ARAP3: variants seen among roughly 807,000 people sequenced by gnomAD.
ARAP3 encodes the protein arf-GAP with Rho-GAP domain, ANK repeat and PH domain-containing protein 3.
ARAP3 carries 82 observed loss-of-function variants against 169.2 expected under a neutral mutation model. The ratio of observed to expected loss-of-function variants is 0.48; its 90% CI spans 0.41 to 0.58. The LOEUF (loss-of-function observed/expected upper bound fraction) is 0.58. ARAP3 is among the 20% of genes least tolerant of loss of function. The probability of loss-of-function intolerance (pLI) is 0.00; values close to 1 mark genes in which losing one functional copy is unlikely to be tolerated. For synonymous variants in ARAP3, 791 were observed against 800.3 expected (o/e 0.99, Z 0.20); for missense variants, 1,764 against 2,018.0 (o/e 0.87, Z 2.41).
chr5:141,653,823 G>C lies in ARAP3; in HGVS notation c.*127C>G. ...CAGCCACTGAAGCCTTTAGTCCAGT[G>C]CTCCTTCCACAGCACCACACTGGAT... On this transcript the variant is annotated 3_prime_UTR_variant, in exon 33 of 33. Coordinates refer to ENST00000239440, the MANE Select transcript of ARAP3 (RefSeq NM_022481.6). 3.7e-6 allele frequency: 5 copies of C among 1,363,618 alleles called. No homozygotes were observed. In the South Asian group the frequency reaches 8.1e-5, roughly 22 times the overall value. The allele number at this position is 1,363,618 out of a possible 1,614,324, so 84.5% of individuals were successfully genotyped here. A position where few individuals can be genotyped will look rare whatever the true frequency, so the allele number is the denominator to read the frequency against.
At chr5:141,656,123 G>A (rs551472008) in intron 28 of ARAP3, 24 bp from the exon 29 acceptor site, 52 of 1,614,156 alleles carry the variant, frequency 3.2e-5, no homozygotes, top group Middle Eastern at 1.6e-4. Context: ...AACAGTGATG[G>A]GGCAGTCAGA....
At chr5:141,674,941 T>C (rs1222419250) in intron 4 of ARAP3, among the ~76,000 whole-genome samples, 1 of 152,186 alleles carries the variant, frequency 6.6e-6, no homozygotes. Context: ...GATGAGACCA[T>C]TTTACTCCCT....
chr5:141,673,065 C>G lies in ARAP3; in HGVS notation c.1041G>C (p.Lys347Asn), dbSNP rs199870065. 1 of 1,614,224 alleles carries G rather than the reference C, an allele frequency of 6.2e-7. No individual in the cohort carries two copies. The highest frequency in any genetic ancestry group is 8.5e-7 in the Non-Finnish European group (1 of 1,180,042). ...CCCTCTGGCCGGTGATGACCTGGAA[C>G]TTGTTGTCCTTGCTGCTGCGGGTCA... The part of the protein sequence containing the change: ...IEMTRSSKDN[K>N]FQVITGQRVF... The change falls in exon 7 of 33, where the codon AAG (lysine) becomes AAC (asparagine). Residue 347 changes from lysine to asparagine, a missense_variant. By Grantham distance (94) the Lys-to-Asn change is moderately conservative. Transcript: ENST00000239440.
At chr5:141,676,102 G>A (rs2099912145) in intron 4 of ARAP3, among the ~76,000 whole-genome samples, 1 of 152,190 alleles carries the variant, frequency 6.6e-6, no homozygotes, top group South Asian at 2.1e-4. Context: ...GCTCACGCCT[G>A]TAATCCCAGC....
Position 141,655,182 on chromosome 5 carries a change from T to TACACACACACACACACACAC in ARAP3, c.4149+160_4149+179dup, listed in dbSNP as rs3075597. Among the ~76,000 whole-genome samples, 9 of 95,506 alleles carry TACACACACACACACACACAC rather than the reference T, an allele frequency of 9.4e-5. 1 individual carries two copies. The highest frequency in any genetic ancestry group is 1.4e-4 in the African/African-American group (3 of 21,276). The allele number at this position is 95,506 out of a possible 152,430, so 62.7% of individuals were successfully genotyped here. ...CACACACACACACACCCTGATGGCC[T>TACACACACACACACACACAC]ACACACACACACACACACACACACA... On this transcript the variant is annotated intron_variant, in intron 32 of 32. Coordinates refer to ENST00000239440, the MANE Select transcript of ARAP3 (RefSeq NM_022481.6).
rs1479708732 is a variant in ARAP3 at position 141,672,670 on chromosome 5, AG to A, written c.1279-13del. ...CCCAGAGAGAAGGCCTGGTGGGGTC[AG>A]GGGGTGGGCATCATGAGGTGCCAGA... On this transcript the variant is annotated splice_polypyrimidine_tract_variant and intron_variant, in intron 8 of 32. Coordinates refer to ENST00000239440, the MANE Select transcript of ARAP3 (RefSeq NM_022481.6). This position sits in a 1 kb window ranked among gnomAD's most constrained non-coding sequence, Gnocchi z 4.9. The A allele has an allele frequency of 2.5e-6, 4 of 1,613,734 alleles. No homozygotes were observed. The highest frequency in any genetic ancestry group is 2.5e-6 in the Non-Finnish European group (3 of 1,179,854).
At position 141,659,888 on chromosome 5, in the gene ARAP3, C is replaced by T. The variant is rs774880202; in HGVS notation, c.3158G>A (p.Arg1053Gln). ...GGGTGCAAACAGCAGAGCCAAGTTC[C>T]GCGTGCACATCTGGTTTAGAGCCGC... ...KCAALNQMCT[R>Q]NLALLFAPSV... Residue 1053 changes from arginine (R) to glutamine (Q), a missense_variant, in exon 22 of 33, where the codon CGG (arginine) becomes CAG (glutamine). Transcript: ENST00000239440. 1.1e-5 allele frequency: 17 copies of T among 1,585,812 alleles called. No individual in the cohort carries two copies. The highest frequency in any genetic ancestry group is 4.6e-5 in the South Asian group (4 of 86,854).
intron 25 of ARAP3, 36 bp from the exon 26 acceptor site, chr5:141,656,882 G>T: frequency 6.3e-7 from 1 of 1,594,624 alleles, no homozygotes; most frequent in South Asian, 1.1e-5. Context: ...ATATCAATCA[G>T]AATATCCATA....
At chr5:141,658,178 G>A (rs968354183) in intron 25 of ARAP3, among the ~76,000 whole-genome samples, 187 bp downstream of exon 25, 1 of 152,170 alleles carries the variant, frequency 6.6e-6, no homozygotes, top group Non-Finnish European at 1.5e-5. Flanking sequence ...CTAAGGCCAA[G>A]ATGGAAGAAT....
intron 4 of ARAP3, among the ~76,000 whole-genome samples, chr5:141,676,567 T>C (rs1288268996): frequency 1.3e-5 from 2 of 152,172 alleles, no homozygotes; most frequent in Middle Eastern, 3.2e-3. Flanking sequence ...TTCTAAGTCC[T>C]ATCATACTCA....
chr5:141,662,080 G>A lies in ARAP3; in HGVS notation c.2976C>T (p.Thr992=), dbSNP rs1364303469. 1.2e-6 allele frequency: 2 copies of A among 1,614,218 alleles called. No homozygotes were observed. Among genetic ancestry groups the A allele is most frequent in the Non-Finnish European group, 1.7e-6 (2 of 1,180,052 alleles). The change falls in exon 20 of 33, where the codon ACC becomes ACT. Residue 992 remains threonine, a synonymous_variant. Coordinates refer to ENST00000239440, the MANE Select transcript of ARAP3 (RefSeq NM_022481.6). The part of the protein sequence containing the change: ...RFFRELDDPV[T]SARLLPRWRE... Reference sequence around the variant, plus strand: ...TCCAGCGAGGCAGCAACCGTGCAGAGGTCACAGGGTCATCGAGCTCACGAA... The same window carrying A: ...TCCAGCGAGGCAGCAACCGTGCAGAAGTCACAGGGTCATCGAGCTCACGAA...
rs955432710 is a variant in ARAP3 at position 141,654,205 on chromosome 5, C to G, written c.4380G>C (p.Glu1460Asp). ...GGCCTGGAGGGGGCTCAGGTGGCCT[C>G]TCCTCCTGGCCAAGGGTGCTTGACT... ...LSKSSTLGQE[E>D]RPPEPPPGPP... The change falls in exon 33 of 33, where the codon GAG becomes GAC. Residue 1460 changes from glutamate to aspartate, a missense_variant. Physicochemically the swap from Glu to Asp is conservative, Grantham distance 45. This residue lies in a region of ARAP3 where 1,112 missense variants were observed against 1,285.7 expected (regional missense o/e 0.86). Coordinates refer to ENST00000239440, the MANE Select transcript of ARAP3 (RefSeq NM_022481.6). 3 of 1,614,132 alleles carry G rather than the reference C, an allele frequency of 1.9e-6. No homozygotes were observed. The highest frequency in any genetic ancestry group is 2.7e-5 in the African/African-American group (2 of 75,016).
chr5:141,658,358 TACTC>T lies in ARAP3; in HGVS notation c.3526+3_3526+6del. On this transcript the variant is annotated splice_donor_5th_base_variant and intron_variant, in intron 25 of 32. Transcript: ENST00000239440. Reference sequence around the variant, plus strand: ...ATGCATGAACACACAGGCGTGGTCATACTCACCCAGCTCCCCATGCTCGCGAATC... The same window carrying T: ...ATGCATGAACACACAGGCGTGGTCATACCCAGCTCCCCATGCTCGCGAATC... 2 of 1,612,638 alleles carry T rather than the reference TACTC, an allele frequency of 1.2e-6. No individual in the cohort carries two copies. Among genetic ancestry groups the T allele is most frequent in the Non-Finnish European group, 1.7e-6 (2 of 1,179,946 alleles).
chr5:141,673,769 G>A lies in ARAP3; in HGVS notation c.738C>T (p.Gly246=), dbSNP rs2099911769. The A allele has an allele frequency of 1.9e-6, 3 of 1,614,066 alleles. No individual in the cohort carries two copies. Among genetic ancestry groups the A allele is most frequent in the Non-Finnish European group, 1.7e-6 (2 of 1,180,044 alleles). ...CTCCAGGTAGCTCAAGGCTGGCATA[G>A]CCAGCATCCTCCCGTGCCTCCAGAT... ...RQDLEAREDA[G]YASLELPGDS... is the part of the protein sequence containing the mutation. The change falls in exon 5 of 33, where the codon GGC becomes GGT. Residue 246 remains glycine, a synonymous_variant. Coordinates refer to ENST00000239440, the MANE Select transcript of ARAP3 (RefSeq NM_022481.6).
chr5:141,664,973 C>A lies in ARAP3; in HGVS notation c.2749G>T (p.Gly917Cys). Reference sequence around the variant, plus strand: ...GCATCCACGATGATGGGGATGTCACCCCGGCTCATCTGCTGCTCCTGCAGC... The same window carrying A: ...GCATCCACGATGATGGGGATGTCACACCGGCTCATCTGCTGCTCCTGCAGC... ...TGLQEQQMSR[G>C]DIPIIVDACI... Residue 917 changes from glycine to cysteine, a missense_variant, in exon 19 of 33, where the codon GGT (glycine) becomes TGT (cysteine). Physicochemically the swap from Gly to Cys is radical, Grantham distance 159 (BLOSUM62 -3). Transcript: ENST00000239440. The A allele has an allele frequency of 6.2e-7, 1 of 1,613,390 alleles. No homozygotes were observed. Among genetic ancestry groups the A allele is most frequent in the Non-Finnish European group, 8.5e-7 (1 of 1,179,874 alleles).
At position 141,659,707 on chromosome 5, in the gene ARAP3, A is replaced by G. The variant is rs537371716; in HGVS notation, c.3267+72T>C. 4.8e-4 allele frequency: 743 copies of G among 1,558,568 alleles called. 4 individuals are homozygous for G. Among genetic ancestry groups the G allele is most frequent in the Non-Finnish European group, 6.2e-4 (712 of 1,148,012 alleles). On this transcript the variant is annotated intron_variant, in intron 22 of 32. Transcript: ENST00000239440. ...GGGCTGGGGGCTTGTTGGGGTGATC[A>G]GGATCCAGAGTCTCTGGGTCCTGCA... is the stretch of plus-strand genomic sequence containing the variant.
chr5:141,673,101 A>C lies in ARAP3; in HGVS notation c.1005T>G (p.Thr335=). The change falls in exon 7 of 33, where the codon ACT becomes ACG. Residue 335 remains threonine (T), a synonymous_variant. Coordinates refer to ENST00000239440, the MANE Select transcript of ARAP3 (RefSeq NM_022481.6). ...DPFPKGVIPL[T]AIEMTRSSKD... Reference sequence around the variant, plus strand: ...TGCTGCTGCGGGTCATCTCAATGGCAGTCAAAGGTATCACACCCTTAGGGA... The same window carrying C: ...TGCTGCTGCGGGTCATCTCAATGGCCGTCAAAGGTATCACACCCTTAGGGA... 1.2e-6 allele frequency: 2 copies of C among 1,614,184 alleles called. No homozygotes were observed. Among genetic ancestry groups the C allele is most frequent in the Non-Finnish European group, 1.7e-6 (2 of 1,180,030 alleles).
Position 141,665,351 on chromosome 5 carries a change from G to A in ARAP3, c.2596C>T (p.Pro866Ser), listed in dbSNP as rs1410001586. 2 of 1,614,086 alleles carry A rather than the reference G, an allele frequency of 1.2e-6. No individual in the cohort carries two copies. The highest frequency in any genetic ancestry group is 2.7e-5 in the African/African-American group (2 of 74,918). ...EISVVSAADT[P>S]DKKEHLVLVE... is the part of the protein sequence containing the mutation. Reference sequence around the variant, plus strand: ...AGGACCAAATGCTCTTTCTTATCTGGGGTGTCAGCTGCAGAAACCACACCT... The same window carrying A: ...AGGACCAAATGCTCTTTCTTATCTGAGGTGTCAGCTGCAGAAACCACACCT... The change falls in exon 18 of 33, where the codon CCA (proline) becomes TCA (serine). Residue 866 changes from proline to serine, a missense_variant. Around this residue, in one of 3 missense-constraint regions of ARAP3, gnomAD observed 1,112 missense variants for 1,285.7 expected, o/e 0.86. Coordinates refer to ENST00000239440, the MANE Select transcript of ARAP3 (RefSeq NM_022481.6).
Position 141,680,111 on chromosome 5 carries a change from A to T in ARAP3, c.376T>A (p.Ser126Thr), listed in dbSNP as rs201759718. Residue 126 changes from serine (S) to threonine (T), a missense_variant, in exon 2 of 33, where the codon TCC (serine) becomes ACC (threonine). Physicochemically the swap from Ser to Thr is moderately conservative, Grantham distance 58. Transcript: ENST00000239440. ...CTTGGGCTGGGCTCTGGGCTCCTGG[A>T]CACTCCTGGTCCCCCGAGGGCTGGG... is the stretch of plus-strand genomic sequence containing the variant. ...LSPALGGPGV[S>T]RSPEPSPRPP... 7.8e-5 allele frequency: 126 copies of T among 1,612,690 alleles called. No individual in the cohort carries two copies. Among genetic ancestry groups the T allele is most frequent in the Non-Finnish European group, 1.0e-4 (121 of 1,179,350 alleles).
Sources: gnomAD v4.1 joint callset for allele counts (sites outside exome capture counted in the v4.1 genomes callset) on GRCh38, gnomAD v4.1.1 for gene constraint, gnomAD v4.1.1 regional missense constraint, Gnocchi (gnomAD v3.1) non-coding constraint, MANE v1.5 for transcripts, NCBI Gene and HGNC (gene_info 2026-07-23, HGNC 2026-07-21) for gene names.